ZNF44: variants seen among roughly 807,000 people sequenced by gnomAD.
The protein encoded by ZNF44 is zinc finger protein 44, also known as gonadotropin inducible transcription repressor-2.
A neutral mutation model predicts 11.7 loss-of-function variants in ZNF44; 9 were observed. That is an observed-to-expected ratio of 0.77 (90% CI 0.46 to 1.35). The LOEUF is 1.35. ZNF44 is among the 40% of genes most tolerant of loss of function. ZNF44 has a pLI of 0.00. For synonymous variants in ZNF44, 224 were observed against 242.7 expected, an observed-to-expected ratio of 0.92 and a Z score of 0.72; for missense variants, 696 against 743.1, an observed-to-expected ratio of 0.94 and a Z score of 0.74.
At chr19:12,278,471 C>T (rs1293249407) in intron 1 of ZNF44, among the ~76,000 whole-genome samples, 1 of 152,130 alleles carries the variant, frequency 6.6e-6, no homozygotes, top group Non-Finnish European at 1.5e-5. Flanking sequence ...GTTAGGCTCT[C>T]CACGACTGAG....
downstream of ZNF44, chr19:12,247,632 CT>C (rs1216024813): frequency 7.5e-7 from 1 of 1,339,548 alleles, no homozygotes; most frequent in Non-Finnish European, 9.9e-7. Context: ...AGTGTGCATC[CT>C]TTCATGTCTT....
chr19:12,256,537 C>T (rs1220296543), intron 5 of ZNF44, among the ~76,000 whole-genome samples: 1 of 151,992 alleles, frequency 6.6e-6, no homozygotes, highest in East Asian at 1.9e-4. Context: ...AGGATGCGGT[C>T]CTCTGCTTAC....
rs775131473 is a variant in ZNF44, at chr19:12,273,381, C to G, written c.874G>C (p.Val292Leu). Residue 292 changes from valine to leucine, a missense_variant, in exon 4 of 4, where the codon GTT becomes CTT. Coordinates refer to ENST00000355684, the MANE Select transcript of ZNF44 (RefSeq NM_016264.4). ...TCATGTACTCGAAGGGAACCGGAAA[C>G]ACTGAAGGCTTTCCCACATTGTTTA... ...KCKQCGKAFS[V>L]SGSLRVHERI... 13 of 1,612,560 alleles carry G rather than the reference C, an allele frequency of 8.1e-6. No homozygotes were observed. The highest frequency in any genetic ancestry group is 1.1e-5 in the Non-Finnish European group (13 of 1,179,562).
intron 1 of ZNF44, among the ~76,000 whole-genome samples, chr19:12,288,719 T>C (rs983996578): frequency 2.8e-5 from 4 of 142,908 alleles, no homozygotes; most frequent in Admixed American, 7.1e-5. Context: ...GATCACACCA[T>C]TGTACTCCAG....
At chr19:12,229,589 G>A (rs1480555803) in intron 3 of ZNF44, among the ~76,000 whole-genome samples, 1 of 151,722 alleles carries the variant, frequency 6.6e-6, no homozygotes, top group Admixed American at 6.6e-5. Flanking sequence ...GGAAAGACCT[G>A]GAGAGGGTTT....
chr19:12,273,956 A>C lies in ZNF44; in HGVS notation c.299T>G (p.Val100Gly), dbSNP rs1355849337. ...ATTCACACTGCTTCCACATGCATCT[A>C]CTCTGGCGGGAGTGTTCTTGTTTAC... ...SIVNKNTPAR[V>G]DACGSSVNGE... The change falls in exon 4 of 4, where the codon GTA becomes GGA. Residue 100 changes from valine to glycine, a missense_variant. By Grantham distance (109) the Val-to-Gly change is moderately radical. Coordinates refer to ENST00000355684, the MANE Select transcript of ZNF44 (RefSeq NM_016264.4). The C allele has an allele frequency of 6.2e-7, 1 of 1,613,882 alleles. No homozygotes were observed. The highest frequency in any genetic ancestry group is 1.1e-5 in the South Asian group (1 of 91,068).
At chr19:12,279,453 A>C (rs534297765) in intron 1 of ZNF44, among the ~76,000 whole-genome samples, 2 of 152,202 alleles carry the variant, frequency 1.3e-5, no homozygotes, top group African/African-American at 4.8e-5. Context: ...TTACCCAGTT[A>C]TAACATTCAA....
At chr19:12,275,823 G>T in intron 2 of ZNF44, 133 bp downstream of exon 2, 1 of 1,180,212 alleles carries the variant, frequency 8.5e-7, no homozygotes, top group Non-Finnish European at 1.2e-6. Context: ...ACAGGTTGGG[G>T]CCTGGCACTT....
rs550320498 is a variant in ZNF44 at position 12,277,452 on chromosome 19, C to T, written c.4-1370G>A. Among the ~76,000 whole-genome samples, 3 of 152,236 alleles carry T rather than the reference C, an allele frequency of 2.0e-5. No homozygotes were observed. In the South Asian group the frequency reaches 6.2e-4, roughly 32 times the overall value. ...ATATTCCATAAATCTCAACAGCAGA[C>T]ATTTAATAATCAATAACATTACATA... On this transcript the variant is annotated intron_variant, in intron 1 of 3. Coordinates refer to ENST00000355684, the MANE Select transcript of ZNF44 (RefSeq NM_016264.4).
Position 12,275,004 on chromosome 19 carries a change from C to T in ZNF44, c.160G>A (p.Asp54Asn). Residue 54 changes from aspartate to asparagine, a missense_variant, in exon 3 of 4, where the codon GAT (aspartate) becomes AAT (asparagine). Physicochemically the swap from Asp to Asn is conservative, Grantham distance 23. Coordinates refer to ENST00000355684, the MANE Select transcript of ZNF44 (RefSeq NM_016264.4). ...GMKWENQNIDDQHQNLRRNPR... is the reference protein window; with the variant it reads ...GMKWENQNIDNQHQNLRRNPR... ...TTTCTCCTGAGATTTTGGTGCTGAT[C>T]ATCAATGTTCTGGTTTTCCCATTTC... 1.3e-6 allele frequency: 2 copies of T among 1,589,660 alleles called. No individual in the cohort carries two copies. The highest frequency in any genetic ancestry group is 1.7e-6 in the Non-Finnish European group (2 of 1,167,642).
chr19:12,273,774 T>C lies in ZNF44; in HGVS notation c.481A>G (p.Arg161Gly), dbSNP rs376515334. The C allele has an allele frequency of 1.2e-5, 19 of 1,614,108 alleles. No individual in the cohort carries two copies. The highest frequency in any genetic ancestry group is 5.3e-5 in the African/African-American group (4 of 74,944). Reference protein sequence around the residue: ...SYRHSFQTCERPHTGKKPYDC... With the variant: ...SYRHSFQTCEGPHTGKKPYDC... Reference sequence around the variant, plus strand: ...TAGGGTTTCTTTCCAGTGTGAGGCCTTTCACATGTTTGAAAGGAGTGGCGA... The same window carrying C: ...TAGGGTTTCTTTCCAGTGTGAGGCCCTTCACATGTTTGAAAGGAGTGGCGA... Residue 161 changes from arginine to glycine, a missense_variant, in exon 4 of 4, where the codon AGG (arginine) becomes GGG (glycine). Physicochemically the swap from Arg to Gly is moderately radical, Grantham distance 125. Coordinates refer to ENST00000355684, the MANE Select transcript of ZNF44 (RefSeq NM_016264.4).
chr19:12,275,086 A>C, intron 2 of ZNF44, 53 bp from the exon 3 acceptor site: 1 of 1,373,124 alleles, frequency 7.3e-7, no homozygotes, highest in South Asian at 1.4e-5. Context: ...ATGATACAAA[A>C]ATTGTTAAGA....
intron 1 of ZNF44, among the ~76,000 whole-genome samples, chr19:12,286,364 G>A (rs767485005): frequency 2.6e-5 from 4 of 152,270 alleles, no homozygotes; most frequent in South Asian, 2.1e-4. Flanking sequence ...GGCCGGGCGC[G>A]GTGGCTCATG....
chr19:12,267,060 GAC>G, downstream of ZNF44, among the ~76,000 whole-genome samples: 1 of 112,628 alleles, frequency 8.9e-6, no homozygotes, highest in African/African-American at 3.3e-5. Flanking sequence ...TTTTTTTTGA[GAC>G]AGAGTCTTGC....
chr19:12,288,774 G>GTATATGTATATATATATA (rs1413658227), intron 1 of ZNF44, among the ~76,000 whole-genome samples: 8 of 76,838 alleles, frequency 1.0e-4, no homozygotes, highest in Non-Finnish European at 1.5e-4. Flanking sequence ...AAAAAAAAAT[G>GTATATGTATATATATATA]TATATATATA....
At position 12,294,729 on chromosome 19, in the gene ZNF44, TC is replaced by T. The variant is rs1568463156; in HGVS notation, c.-36del. The T allele has an allele frequency of 6.4e-6, 10 of 1,553,184 alleles. No homozygotes were observed. Among genetic ancestry groups the T allele is most frequent in the Non-Finnish European group, 8.7e-6 (10 of 1,149,382 alleles). On this transcript the variant is annotated 5_prime_UTR_variant, in exon 1 of 4. Transcript: ENST00000355684. ...GTGCGGTGTCCCGGGTCCTCCCAAC[TC>T]CCGTAGTCAGGGTAGGTCCCAGCGC...
At chr19:12,289,062 TG>T (rs1166058872) in intron 1 of ZNF44, among the ~76,000 whole-genome samples, 1 of 151,896 alleles carries the variant, frequency 6.6e-6, no homozygotes, top group African/African-American at 2.4e-5. Flanking sequence ...TCCAGCACTT[TG>T]GGAGGCTGAA....
intron 2 of ZNF44, among the ~76,000 whole-genome samples, chr19:12,230,699 A>G (rs978927341): frequency 6.6e-6 from 1 of 152,206 alleles, no homozygotes; most frequent in Non-Finnish European, 1.5e-5. Context: ...TTCGGCACCA[A>G]ATGTAAGAGT....
At chr19:12,263,584 G>A (rs66941624) in intron 5 of ZNF44, among the ~76,000 whole-genome samples, 59,634 of 151,652 alleles carry the variant, frequency 0.39, 13,074 homozygotes, top group African/African-American at 0.61. Flanking sequence ...GACCAGCTTG[G>A]GCAATGTATC....
Sources: allele counts gnomAD v4.1 joint callset (sites outside exome capture counted in the v4.1 genomes callset), GRCh38; gene constraint gnomAD v4.1.1; transcripts MANE v1.5; gene names NCBI Gene and HGNC (gene_info 2026-07-23, HGNC 2026-07-21).